The following RBFOX1 variants were observed in gnomAD, a reference collection of about 807,000 sequenced individuals.
RBFOX1 encodes RNA binding protein fox-1 homolog 1.
Under a neutral mutation model 57.7 loss-of-function variants are expected in RBFOX1, and 8 were observed. The ratio of observed to expected loss-of-function variants is 0.14; its 90% CI spans 0.08 to 0.25. The LOEUF is 0.25. Among genes scored for constraint, RBFOX1 ranks in the 10% least tolerant of loss-of-function variants. The pLI is 1.00. For synonymous variants in RBFOX1, 326 were observed against 222.4 expected (o/e 1.47, Z -4.15); for missense variants, 611 against 548.5 (o/e 1.11, Z -1.14).
At chr16:5,429,992 G>C (rs1273668497) in intron 1 of RBFOX1, among the ~76,000 whole-genome samples, 1 of 152,174 alleles carries the variant, frequency 6.6e-6, no homozygotes, top group African/African-American at 2.4e-5. Flanking sequence ...GCAGAGAGGA[G>C]GCTGTTACTA....
chr16:6,085,395 C>G (rs60232960), intron 1 of RBFOX1, among the ~76,000 whole-genome samples: 84 of 152,184 alleles, frequency 5.5e-4, no homozygotes, highest in Non-Finnish European at 1.1e-3. Context: ...GCCTCAGCCT[C>G]CCGAGTAGCT....
intron 4 of RBFOX1, among the ~76,000 whole-genome samples, chr16:7,116,333 A>T (rs959364176): frequency 3.9e-5 from 6 of 152,128 alleles, no homozygotes; most frequent in African/African-American, 1.4e-4. Flanking sequence ...CCTCATGAGC[A>T]GTTCATGAGG....
chr16:7,161,872 G>C (rs2078397189), intron 4 of RBFOX1, among the ~76,000 whole-genome samples: 1 of 152,224 alleles, frequency 6.6e-6, no homozygotes, highest in Non-Finnish European at 1.5e-5. Context: ...TCCATTTGCA[G>C]TGCCCAGAAT....
At chr16:6,115,714 T>G (rs2096490136) in intron 1 of RBFOX1, among the ~76,000 whole-genome samples, 1 of 152,138 alleles carries the variant, frequency 6.6e-6, no homozygotes, top group African/African-American at 2.4e-5. Context: ...TACTTATTGT[T>G]TATTTGTGAA....
At chr16:6,983,880 A>G (rs957641521) in intron 3 of RBFOX1, 2 of 152,386 alleles carry the variant, frequency 1.3e-5, no homozygotes, top group Admixed American at 1.3e-4. Flanking sequence ...GTGCTCTTGG[A>G]CAAGGTGTTG....
At chr16:7,036,395 G>C (rs544413545) in intron 3 of RBFOX1, among the ~76,000 whole-genome samples, 199 of 152,204 alleles carry the variant, frequency 1.3e-3, no homozygotes, top group African/African-American at 4.6e-3. Flanking sequence ...CCCAGATAGG[G>C]TTCTTGGATC....
intron 12 of RBFOX1, among the ~76,000 whole-genome samples, chr16:7,654,151 T>C (rs1419965979): frequency 6.6e-6 from 1 of 152,154 alleles, no homozygotes; most frequent in Non-Finnish European, 1.5e-5. Context: ...CCTGTCATGG[T>C]TGGTGCCTTT....
intron 3 of RBFOX1, among the ~76,000 whole-genome samples, chr16:6,800,112 A>G (rs1385673243): frequency 6.6e-6 from 1 of 152,140 alleles, no homozygotes; most frequent in Non-Finnish European, 1.5e-5. Context: ...TGTCTTATGC[A>G]GATGTATTAT....
chr16:5,821,234 C>T (rs1334714590), intron 3 of RBFOX1, among the ~76,000 whole-genome samples: 3 of 151,610 alleles, frequency 2.0e-5, no homozygotes, highest in Non-Finnish European at 4.4e-5. Flanking sequence ...TACTACTAGG[C>T]TGGCCACTTT....
chr16:6,075,995 T>C (rs1319435468), intron 1 of RBFOX1, among the ~76,000 whole-genome samples: 1 of 152,068 alleles, frequency 6.6e-6, no homozygotes, highest in Non-Finnish European at 1.5e-5. Context: ...GTAAAGAAAA[T>C]TGCTCTTAAA....
intron 1 of RBFOX1, among the ~76,000 whole-genome samples, chr16:5,241,298 G>C (rs2062161172): frequency 6.6e-6 from 1 of 152,206 alleles, no homozygotes; most frequent in African/African-American, 2.4e-5. Context: ...TTTTCTCTGA[G>C]ATTCTGGGAG....
At chr16:7,679,555 A>G (rs1335521356) in intron 14 of RBFOX1, among the ~76,000 whole-genome samples, 1 of 152,226 alleles carries the variant, frequency 6.6e-6, no homozygotes, top group Non-Finnish European at 1.5e-5. Context: ...TTCACTCTTC[A>G]GACATCTTGA....
intron 11 of RBFOX1, among the ~76,000 whole-genome samples, chr16:7,639,577 T>C (rs1298640918): frequency 1.3e-5 from 2 of 152,158 alleles, no homozygotes; most frequent in African/African-American, 2.4e-5. Context: ...ACCTATATTC[T>C]TGGGGGGACA....
chr16:5,681,639 CA>C (rs1342400470), intron 3 of RBFOX1, among the ~76,000 whole-genome samples: 1 of 151,950 alleles, frequency 6.6e-6, no homozygotes, highest in African/African-American at 2.4e-5. Flanking sequence ...GTGATCCACC[CA>C]CCTCAGCCTC....
At chr16:5,864,279 A>G (rs573483619) in intron 3 of RBFOX1, among the ~76,000 whole-genome samples, 1 of 152,352 alleles carries the variant, frequency 6.6e-6, no homozygotes, top group Admixed American at 6.5e-5. Context: ...TGTTAACGCT[A>G]AAGTGGTACG....
intron 3 of RBFOX1, among the ~76,000 whole-genome samples, chr16:6,860,336 G>C (rs535295027): frequency 6.6e-6 from 1 of 152,272 alleles, no homozygotes; most frequent in South Asian, 2.1e-4. Context: ...GTTTTTGGCT[G>C]GGGGTGGTAA....
chr16:5,345,806 C>T (rs1324862149), intron 1 of RBFOX1, among the ~76,000 whole-genome samples: 1 of 152,134 alleles, frequency 6.6e-6, no homozygotes, highest in Non-Finnish European at 1.5e-5. Context: ...TAACAAGGAG[C>T]CTTCTGTACA....
intron 2 of RBFOX1, among the ~76,000 whole-genome samples, chr16:5,505,850 G>C (rs2043359899): frequency 1.3e-5 from 2 of 152,108 alleles, no homozygotes; most frequent in African/African-American, 4.8e-5. Flanking sequence ...TGTGTGTCTA[G>C]AGGGATGAAG....
chr16:5,281,727 A>C (rs2063276008), intron 1 of RBFOX1, among the ~76,000 whole-genome samples: 1 of 152,058 alleles, frequency 6.6e-6, no homozygotes, highest in African/African-American at 2.4e-5. Flanking sequence ...GTTTTATCTG[A>C]TGTAAGTTTA....
Sources: allele counts gnomAD v4.1 joint callset (sites outside exome capture counted in the v4.1 genomes callset), GRCh38; gene constraint gnomAD v4.1.1; transcripts MANE v1.5; gene names NCBI Gene and HGNC (gene_info 2026-07-23, HGNC 2026-07-21).